CCNY: variants seen among roughly 807,000 people sequenced by gnomAD.
CCNY encodes cyclin Y.
In CCNY, 19 loss-of-function variants were observed where a neutral mutation model predicts 42.8. The observed-to-expected ratio is 0.44, with a 90% CI of 0.31 to 0.65. CCNY has a LOEUF of 0.65. CCNY is among the 30% of genes least tolerant of loss of function. The pLI, the probability that CCNY is intolerant of heterozygous loss-of-function variation, is 0.07. For synonymous variants in CCNY, 165 were observed against 162.7 expected (o/e 1.01, Z -0.11); for missense variants, 370 against 437.3 (o/e 0.85, Z 1.37).
At position 35,411,306 on chromosome 10, in the gene CCNY, A is replaced by T. The variant is rs556015535; in HGVS notation, c.155-72098A>T. ...GGCAGGAGGATAACCTGAGGTCAGG[A>T]GTTTGAGACCAGCCTGGCCAACATG... On this transcript the variant is annotated intron_variant, in intron 1 of 9. Transcript: ENST00000374704. Among the ~76,000 whole-genome samples the T allele has an allele frequency of 4.5e-4, 69 of 152,184 alleles. No homozygotes were observed. The East Asian group carries it at 8.7e-3, about 19-fold the overall frequency.
intron 1 of CCNY, among the ~76,000 whole-genome samples, chr10:35,372,844 C>T (rs1202162369): frequency 6.6e-5 from 10 of 152,156 alleles, no homozygotes; most frequent in Non-Finnish European, 1.2e-4. Flanking sequence ...GCGTTACAGG[C>T]GCCTGCCACC....
chr10:35,477,589 C>G (rs942625684), intron 1 of CCNY, among the ~76,000 whole-genome samples: 3 of 151,742 alleles, frequency 2.0e-5, no homozygotes, highest in Admixed American at 2.0e-4. Context: ...ATTCAACAAC[C>G]CTTCATGCTA....
At chr10:35,519,674 CT>C (rs1257916233) in intron 4 of CCNY, among the ~76,000 whole-genome samples, 1 of 148,748 alleles carries the variant, frequency 6.7e-6, no homozygotes, top group Admixed American at 6.7e-5. Context: ...AGATTCTGGG[CT>C]TCCCTGATCC....
At chr10:35,386,548 T>A (rs1837303313) in intron 1 of CCNY, among the ~76,000 whole-genome samples, 1 of 152,198 alleles carries the variant, frequency 6.6e-6, no homozygotes, top group Non-Finnish European at 1.5e-5. Flanking sequence ...AATACTATAC[T>A]TTATTATTGG....
chr10:35,430,144 C>T (rs917687568), intron 1 of CCNY, among the ~76,000 whole-genome samples: 6 of 151,098 alleles, frequency 4.0e-5, no homozygotes, highest in African/African-American at 1.5e-4. Context: ...GAGACCATCC[C>T]GGCTAAAACG....
At chr10:35,292,867 T>C (rs1835431071) in intron 3 of CCNY, among the ~76,000 whole-genome samples, 1 of 144,928 alleles carries the variant, frequency 6.9e-6, no homozygotes, top group Admixed American at 7.2e-5. Context: ...CTAACTGCAG[T>C]CTCCTGGGTT....
At chr10:35,430,253 C>T (rs980524564) in intron 1 of CCNY, among the ~76,000 whole-genome samples, 13 of 139,264 alleles carry the variant, frequency 9.3e-5, no homozygotes, top group Non-Finnish European at 1.5e-4. Context: ...AGGAGAATGG[C>T]GTGAACCCGG....
chr10:35,320,613 A>C (rs578097907), intron 3 of CCNY, among the ~76,000 whole-genome samples: 4 of 152,230 alleles, frequency 2.6e-5, no homozygotes, highest in Non-Finnish European at 5.9e-5. Flanking sequence ...TGGAAGTCCT[A>C]GCCAGTACAA....
intron 1 of CCNY, among the ~76,000 whole-genome samples, chr10:35,478,452 T>C (rs1839574105): frequency 6.6e-6 from 1 of 151,490 alleles, no homozygotes; most frequent in African/African-American, 2.4e-5. Flanking sequence ...TATAGATCAA[T>C]GGAACAGAAC....
intron 1 of CCNY, among the ~76,000 whole-genome samples, chr10:35,364,795 A>G (rs2135162739): frequency 6.6e-6 from 1 of 152,296 alleles, no homozygotes; most frequent in African/African-American, 2.4e-5. Context: ...TGCAATTTTA[A>G]AAACCATCTA....
rs1403798125 is a variant in CCNY, at chr10:35,566,015, C to T, written c.747-8C>T. The T allele has an allele frequency of 6.2e-7, 1 of 1,610,164 alleles. No individual in the cohort carries two copies. Among genetic ancestry groups the T allele is most frequent in the African/African-American group, 1.3e-5 (1 of 74,872 alleles). On this transcript the variant is annotated splice_polypyrimidine_tract_variant and splice_region_variant and intron_variant, in intron 8 of 9. Coordinates refer to ENST00000374704, the MANE Select transcript of CCNY (RefSeq NM_145012.6). ...TAAGCATAGGCTATTTTTGTCTTTG[C>T]TTTGCAGGAACGAGCTAGAGCGACA...
intron 3 of CCNY, among the ~76,000 whole-genome samples, chr10:35,318,011 T>C (rs370600883): frequency 2.4e-4 from 37 of 152,196 alleles, no homozygotes; most frequent in African/African-American, 6.7e-4. Flanking sequence ...GAGGACTGCT[T>C]GAGGCCAGGA....
intron 1 of CCNY, among the ~76,000 whole-genome samples, chr10:35,460,963 T>G (rs1839145608): frequency 6.6e-6 from 1 of 152,160 alleles, no homozygotes; most frequent in Non-Finnish European, 1.5e-5. Context: ...ATCCACTTAT[T>G]ATAAACTGAG....
At chr10:35,564,338 A>G (rs1204933792) in intron 8 of CCNY, among the ~76,000 whole-genome samples, 2 of 152,054 alleles carry the variant, frequency 1.3e-5, no homozygotes, top group African/African-American at 2.4e-5. Flanking sequence ...GCCTGCCCAC[A>G]GGTCCCAGTG....
chr10:35,502,106 G>A lies in CCNY; in HGVS notation c.264+571G>A, dbSNP rs536473655. On this transcript the variant is annotated intron_variant, in intron 3 of 9. Transcript: ENST00000374704. ...TTAGCCATGTCTCCCTCCCCTGGTG[G>A]CCAGGTGCAGGTGCCCCATTGAGAT... is the stretch of plus-strand genomic sequence containing the variant. Among the ~76,000 whole-genome samples the A allele has an allele frequency of 3.3e-5, 5 of 152,276 alleles. No individual in the cohort carries two copies. The South Asian group carries it at 1.0e-3, about 32-fold the overall frequency.
intron 3 of CCNY, among the ~76,000 whole-genome samples, chr10:35,326,855 C>T (rs1252476821): frequency 1.3e-5 from 2 of 152,160 alleles, no homozygotes; most frequent in East Asian, 3.9e-4. Context: ...TGCCACTGTA[C>T]TCCAACCTGG....
chr10:35,255,391 G>T (rs1200261034), intron 3 of CCNY, among the ~76,000 whole-genome samples: 1 of 151,030 alleles, frequency 6.6e-6, no homozygotes, highest in Non-Finnish European at 1.5e-5. Context: ...CACGATCTCG[G>T]CTCATTTCAA....
intron 1 of CCNY, among the ~76,000 whole-genome samples, chr10:35,406,542 G>A (rs1161659963): frequency 6.6e-6 from 1 of 152,138 alleles, no homozygotes; most frequent in African/African-American, 2.4e-5. Flanking sequence ...GCACAGGGTT[G>A]GGGGTAAGGT....
intron 3 of CCNY, among the ~76,000 whole-genome samples, chr10:35,265,169 G>A (rs1162731861): frequency 6.6e-6 from 1 of 152,132 alleles, no homozygotes; most frequent in Non-Finnish European, 1.5e-5. Flanking sequence ...AAATGATGAT[G>A]AAATATTTGG....
Sources: allele counts gnomAD v4.1 joint callset (sites outside exome capture counted in the v4.1 genomes callset), GRCh38; gene constraint gnomAD v4.1.1; transcripts MANE v1.5; gene names NCBI Gene and HGNC (gene_info 2026-07-23, HGNC 2026-07-21).